The following NRXN1 variants were observed in gnomAD, a reference collection of about 807,000 sequenced individuals.
NRXN1 encodes neurexin-1.
NRXN1 carries 39 observed loss-of-function variants against 150.9 expected under a neutral mutation model. The observed-to-expected ratio is 0.26, with a 90% CI of 0.20 to 0.34. The LOEUF (loss-of-function observed/expected upper bound fraction) is 0.34, where lower values mean the gene tolerates loss of function less well. Among genes scored for constraint, NRXN1 ranks in the 10% least tolerant of loss-of-function variants. The pLI, the probability that NRXN1 is intolerant of heterozygous loss-of-function variation, is 1.00. For synonymous variants in NRXN1, 924 were observed against 757.0 expected, an observed-to-expected ratio of 1.22 and a Z score of -3.62; for missense variants, 1,815 against 1,949.9, an observed-to-expected ratio of 0.93 and a Z score of 1.30.
chr2:50,685,607 A>G (rs1276907449), intron 5 of NRXN1, among the ~76,000 whole-genome samples: 3 of 152,018 alleles, frequency 2.0e-5, no homozygotes, highest in East Asian at 1.9e-4. Context: ...ATATCCTCCA[A>G]TGAGTATAGG....
At chr2:50,426,130 C>T (rs951717001) in intron 17 of NRXN1, among the ~76,000 whole-genome samples, 25 of 152,134 alleles carry the variant, frequency 1.6e-4, no homozygotes, top group African/African-American at 5.6e-4. Context: ...CTGACCTTGC[C>T]TTTTTGATCT....
chr2:50,219,943 T>TTATATATAATATATATATTATATATTA (rs1559115285), intron 18 of NRXN1, among the ~76,000 whole-genome samples: 1 of 75,500 alleles, frequency 1.3e-5, no homozygotes, highest in African/African-American at 7.8e-5. Context: ...ATATTATATA[T>TTATATATAATATATATATTATATATTA]TATATATATA....
rs763508293 is a variant in NRXN1, at chr2:50,495,896, T to C, written c.3070+9A>G. On this transcript the variant is annotated intron_variant, in intron 15 of 22. Coordinates refer to ENST00000401669, the MANE Select transcript of NRXN1 (RefSeq NM_001330078.2). Reference sequence around the variant, plus strand: ...CAAGGCTCGTTGCTCTGACTTAACATGCACTTACTCTTGAGGTCTAAGTTC... The same window carrying C: ...CAAGGCTCGTTGCTCTGACTTAACACGCACTTACTCTTGAGGTCTAAGTTC... 4.4e-6 allele frequency: 7 copies of C among 1,582,058 alleles called. No individual in the cohort carries two copies. The African/African-American group carries it at 5.4e-5, about 12-fold the overall frequency.
At chr2:50,445,656 T>A (rs1298442992) in intron 17 of NRXN1, among the ~76,000 whole-genome samples, 2 of 152,220 alleles carry the variant, frequency 1.3e-5, no homozygotes, top group African/African-American at 4.8e-5. Context: ...ATCCCTATAC[T>A]CTGCACGAGG....
chr2:50,556,011 G>T (rs908473969), intron 8 of NRXN1, among the ~76,000 whole-genome samples: 2 of 152,042 alleles, frequency 1.3e-5, no homozygotes, highest in Non-Finnish European at 2.9e-5. Context: ...CCAGATACAA[G>T]AACTCTTTCC....
At chr2:50,490,239 T>C (rs2091171871) in intron 15 of NRXN1, among the ~76,000 whole-genome samples, 1 of 152,230 alleles carries the variant, frequency 6.6e-6, no homozygotes, top group Non-Finnish European at 1.5e-5. Context: ...GGAATAATTC[T>C]AATGAGCATT....
chr2:49,940,224 G>T (rs755255553), intron 22 of NRXN1, among the ~76,000 whole-genome samples: 8 of 152,100 alleles, frequency 5.3e-5, no homozygotes, highest in African/African-American at 7.2e-5. Context: ...ACAAAGATTT[G>T]CTCTCACTTG....
At chr2:50,937,683 C>T (rs1254286590) in intron 2 of NRXN1, among the ~76,000 whole-genome samples, 2 of 152,050 alleles carry the variant, frequency 1.3e-5, no homozygotes, top group African/African-American at 2.4e-5. Flanking sequence ...GATGATGATG[C>T]AGAATACAAC....
intron 8 of NRXN1, among the ~76,000 whole-genome samples, chr2:50,592,702 C>T (rs1253086050): frequency 1.3e-5 from 2 of 152,180 alleles, no homozygotes; most frequent in East Asian, 1.9e-4. Context: ...TAATCTATTG[C>T]AGTGAGCTTG....
At chr2:50,372,295 T>G (rs553762986) in intron 17 of NRXN1, among the ~76,000 whole-genome samples, 1 of 152,224 alleles carries the variant, frequency 6.6e-6, no homozygotes, top group South Asian at 2.1e-4. Context: ...ATGTGTTCTC[T>G]CTTTTTGCTG....
chr2:50,464,860 T>C (rs576320381), intron 17 of NRXN1, among the ~76,000 whole-genome samples: 4 of 152,072 alleles, frequency 2.6e-5, no homozygotes, highest in African/African-American at 9.6e-5. Flanking sequence ...TATGCCATGA[T>C]ATAATGTGAA....
intron 2 of NRXN1, among the ~76,000 whole-genome samples, chr2:50,981,387 G>A (rs1053736739): frequency 7.0e-6 from 1 of 142,768 alleles, no homozygotes; most frequent in African/African-American, 2.7e-5. Flanking sequence ...GAACGCAGGA[G>A]GCAGAGGTTG....
chr2:50,825,179 A>T (rs185716453), intron 5 of NRXN1, among the ~76,000 whole-genome samples: 74 of 152,310 alleles, frequency 4.9e-4, no homozygotes, highest in African/African-American at 1.7e-3. Context: ...GAAGAAGACA[A>T]ATATAATTCC....
At chr2:51,016,794 C>T (rs778452869) in intron 2 of NRXN1, among the ~76,000 whole-genome samples, 28 of 152,108 alleles carry the variant, frequency 1.8e-4, no homozygotes, top group Non-Finnish European at 4.1e-4. Context: ...ACTATAAAGA[C>T]ACATGCACAT....
At chr2:50,381,759 A>C (rs2080988193) in intron 17 of NRXN1, among the ~76,000 whole-genome samples, 1 of 152,148 alleles carries the variant, frequency 6.6e-6, no homozygotes, top group Non-Finnish European at 1.5e-5. Flanking sequence ...TTTAAATGCA[A>C]GGTGCTTAAA....
intron 17 of NRXN1, among the ~76,000 whole-genome samples, chr2:50,461,203 C>T (rs2088170538): frequency 1.3e-5 from 2 of 151,898 alleles, no homozygotes; most frequent in Non-Finnish European, 2.9e-5. Context: ...TTCTAACTCT[C>T]ATATGAAAGA....
At chr2:50,777,434 C>T (rs566794848) in intron 5 of NRXN1, among the ~76,000 whole-genome samples, 147 of 152,184 alleles carry the variant, frequency 9.7e-4, no homozygotes, top group Non-Finnish European at 1.6e-3. Flanking sequence ...TTTTTAGAAA[C>T]GCTTACAGGT....
Position 50,347,092 on chromosome 2 carries a change from C to A in NRXN1, c.3365-110122G>T, listed in dbSNP as rs202025277. ...GCGCCAGGGCACCCATCCTCTCCCTCCTTCGGACAGTCTTCTCGGGGTCCT... is the reference window on the plus strand; with the variant it reads ...GCGCCAGGGCACCCATCCTCTCCCTACTTCGGACAGTCTTCTCGGGGTCCT... On this transcript the variant is annotated intron_variant, in intron 17 of 22. Coordinates refer to ENST00000401669, the MANE Select transcript of NRXN1 (RefSeq NM_001330078.2). The surrounding 1 kb of genome is among the most constrained non-coding windows in gnomAD (Gnocchi z 4.9). The A allele has an allele frequency of 3.8e-5, 53 of 1,387,208 alleles. No individual in the cohort carries two copies. The highest frequency in any genetic ancestry group is 4.8e-5 in the Non-Finnish European group (51 of 1,054,598). 85.9% of individuals were successfully genotyped at this position (1,387,208 alleles called of 1,614,324 possible). A position where few individuals can be genotyped will look rare whatever the true frequency, so the allele number is the denominator to read the frequency against.
At chr2:50,293,847 G>A (rs1270130840) in intron 17 of NRXN1, among the ~76,000 whole-genome samples, 1 of 152,112 alleles carries the variant, frequency 6.6e-6, no homozygotes, top group East Asian at 1.9e-4. Flanking sequence ...TAGTTCTTTA[G>A]GATGCCTGGC....
Sources: gnomAD v4.1 joint callset for allele counts (sites outside exome capture counted in the v4.1 genomes callset) on GRCh38, gnomAD v4.1.1 for gene constraint, Gnocchi (gnomAD v3.1) non-coding constraint, MANE v1.5 for transcripts, NCBI Gene and HGNC (gene_info 2026-07-23, HGNC 2026-07-21) for gene names.